The following RNF115 variants were observed in gnomAD, a reference collection of about 807,000 sequenced individuals.
The protein encoded by RNF115 is E3 ubiquitin-protein ligase RNF115.
Under a neutral mutation model 39.2 loss-of-function variants are expected in RNF115, and 31 were observed. That is an observed-to-expected ratio of 0.79 (90% CI 0.59 to 1.07). The LOEUF is 1.07. Ranked by LOEUF, RNF115 falls within the 50% of genes least tolerant of loss-of-function variation. The pLI is 0.00. For missense variants in RNF115, 384 were observed against 381.7 expected (o/e 1.01, Z -0.05); for synonymous variants, 124 against 131.0 (o/e 0.95, Z 0.37).
chr1:145,774,736 T>C (rs782245908), intron 3 of RNF115, among the ~76,000 whole-genome samples: 1 of 152,214 alleles, frequency 6.6e-6, no homozygotes, highest in Non-Finnish European at 1.5e-5. Context: ...ATTAAATCAG[T>C]TTTAAATCTC....
intron 3 of RNF115, 149 bp from the exon 4 acceptor site, chr1:145,772,068 C>T (rs1647670028): frequency 1.5e-6 from 1 of 655,710 alleles, no homozygotes; most frequent in Non-Finnish European, 2.6e-6. Context: ...TATTTTTGGT[C>T]TGTAAAACTA....
chr1:145,757,377 G>C (rs1409781171), intron 4 of RNF115, among the ~76,000 whole-genome samples: 1 of 152,180 alleles, frequency 6.6e-6, no homozygotes, highest in Non-Finnish European at 1.5e-5. Context: ...CTATTTAGAA[G>C]AGATTGGTGG....
chr1:145,797,035 T>C (rs1335488956), intron 1 of RNF115, among the ~76,000 whole-genome samples: 3 of 152,196 alleles, frequency 2.0e-5, no homozygotes, highest in African/African-American at 7.2e-5. Flanking sequence ...GTCTCCCAGA[T>C]GATATCAAGG....
intron 1 of RNF115, among the ~76,000 whole-genome samples, chr1:145,814,788 CTACCTA>C (rs1649906194): frequency 6.6e-6 from 1 of 152,120 alleles, no homozygotes; most frequent in African/African-American, 2.4e-5. Context: ...AAACTAGCCT[CTACCTA>C]TAAGAATACA....
intron 4 of RNF115, among the ~76,000 whole-genome samples, chr1:145,765,711 G>A (rs1452813562): frequency 1.3e-5 from 2 of 152,176 alleles, no homozygotes; most frequent in African/African-American, 4.8e-5. Context: ...CAGATAAGAT[G>A]AGCTAGTCTA....
In RNF115 at chr1:145,814,532, G is replaced by A. The variant is rs587768339; in HGVS notation, c.102+9240C>T. ...TGTAAGGCAGAGGATGCAGTGAGCC[G>A]AGATCGTGCCACTGCACTCCAGCCT... On this transcript the variant is annotated intron_variant, in intron 1 of 8. Coordinates refer to ENST00000582693, the MANE Select transcript of RNF115 (RefSeq NM_014455.4). 6.3e-3 allele frequency among the ~76,000 whole-genome samples: 955 copies of A among 151,664 alleles called. 9 individuals are homozygous for A. Among genetic ancestry groups the A allele is most frequent in the African/African-American group, 0.022 (903 of 41,342 alleles).
intron 1 of RNF115, among the ~76,000 whole-genome samples, chr1:145,808,258 T>C (rs372429629): frequency 1.3e-5 from 2 of 152,208 alleles, no homozygotes; most frequent in South Asian, 2.1e-4. Flanking sequence ...TTTTGAAATA[T>C]ATCCATTCTG....
rs2101432908 is a variant in RNF115 at position 145,742,120 on chromosome 1, A to C, written c.*4746T>G. The C allele has an allele frequency of 6.6e-6, 1 of 152,200 alleles. No individual in the cohort carries two copies. The highest frequency in any genetic ancestry group is 1.5e-5 in the Non-Finnish European group (1 of 67,998). 9.4% of individuals were successfully genotyped at this position (152,200 alleles called of 1,614,324 possible). On this transcript the variant is annotated 3_prime_UTR_variant, in exon 9 of 9. Coordinates refer to ENST00000582693, the MANE Select transcript of RNF115 (RefSeq NM_014455.4). ...TGAGATTGTGTCTCAAAAAAATAAA[A>C]ATGTGTCTTCCACTTCTTAAACCCC... is the stretch of plus-strand genomic sequence containing the variant.
intron 7 of RNF115, among the ~76,000 whole-genome samples, chr1:145,748,579 T>C (rs782321980): frequency 2.6e-5 from 4 of 152,180 alleles, no homozygotes; most frequent in Non-Finnish European, 5.9e-5. Context: ...CATGCTCTTT[T>C]CAGCATGGGA....
At chr1:145,769,722 A>G (rs1428545402) in intron 4 of RNF115, among the ~76,000 whole-genome samples, 1 of 151,458 alleles carries the variant, frequency 6.6e-6, no homozygotes, top group Non-Finnish European at 1.5e-5. Context: ...AAACTTGATA[A>G]AGAGACTCAT....
Position 145,809,322 on chromosome 1 carries a change from G to C in RNF115, c.102+14450C>G, listed in dbSNP as rs1649595886. On this transcript the variant is annotated intron_variant, in intron 1 of 8. Coordinates refer to ENST00000582693, the MANE Select transcript of RNF115 (RefSeq NM_014455.4). ...CTCCCTCAGCCTCCCAAGTAGCTGG[G>C]ATTACAGGCATGTGCCACCACACCC... Among the ~76,000 whole-genome samples, 4 of 151,652 alleles carry C rather than the reference G, an allele frequency of 2.6e-5. No individual in the cohort carries two copies. In the South Asian group the frequency reaches 8.3e-4, roughly 32 times the overall value.
intron 1 of RNF115, among the ~76,000 whole-genome samples, chr1:145,818,931 A>C (rs1384497121): frequency 2.2e-4 from 32 of 146,988 alleles, no homozygotes; most frequent in African/African-American, 6.2e-4. Context: ...CGATCTAAAT[A>C]AACACCATCA....
chr1:145,766,472 C>A (rs1647278430), intron 4 of RNF115, among the ~76,000 whole-genome samples: 1 of 152,136 alleles, frequency 6.6e-6, no homozygotes, highest in South Asian at 2.1e-4. Context: ...CACAAAACCG[C>A]CATTGTCATC....
At chr1:145,768,329 T>C (rs2101523801) in intron 4 of RNF115, among the ~76,000 whole-genome samples, 1 of 152,342 alleles carries the variant, frequency 6.6e-6, no homozygotes, top group African/African-American at 2.4e-5. Context: ...AGTACTCTTT[T>C]TCTTGAAATG....
intron 1 of RNF115, among the ~76,000 whole-genome samples, chr1:145,797,242 G>T (rs1553720238): frequency 1.3e-5 from 2 of 152,152 alleles, no homozygotes; most frequent in African/African-American, 4.8e-5. Flanking sequence ...CAGGGAGATG[G>T]ATTTGAGACT....
intron 1 of RNF115, among the ~76,000 whole-genome samples, chr1:145,817,976 C>G (rs1650064533): frequency 7.8e-6 from 1 of 128,614 alleles, no homozygotes; most frequent in Admixed American, 8.0e-5. Context: ...TGTATATGTA[C>G]CATATTTTCT....
At chr1:145,807,764 A>G (rs1553721820) in intron 1 of RNF115, among the ~76,000 whole-genome samples, 1 of 152,164 alleles carries the variant, frequency 6.6e-6, no homozygotes. Context: ...GCTATCAAAC[A>G]TCAGAACTTA....
chr1:145,801,523 G>C (rs1229143050), intron 1 of RNF115, among the ~76,000 whole-genome samples: 1 of 151,856 alleles, frequency 6.6e-6, no homozygotes, highest in Non-Finnish European at 1.5e-5. Context: ...GAAAGAGTGA[G>C]ACTCCATGTC....
intron 2 of RNF115, chr1:145,788,673 C>A (rs1336427789): frequency 1.1e-5 from 7 of 640,528 alleles, no homozygotes; most frequent in Admixed American, 6.2e-5. Context: ...AGGAGCAGTG[C>A]GTATCACCAC....
Sources: gnomAD v4.1 joint callset for allele counts (sites outside exome capture counted in the v4.1 genomes callset) on GRCh38, gnomAD v4.1.1 for gene constraint, MANE v1.5 for transcripts, NCBI Gene and HGNC (gene_info 2026-07-23, HGNC 2026-07-21) for gene names.